Variants in CDH13 observed in about 807,000 individuals in gnomAD.
CDH13 encodes cadherin 13.
A neutral mutation model predicts 63.8 loss-of-function variants in CDH13; 24 were observed. The ratio of observed to expected loss-of-function variants is 0.38; its 90% CI spans 0.27 to 0.53. CDH13 has a LOEUF of 0.53. CDH13 is among the 20% of genes least tolerant of loss of function. CDH13 has a pLI of 0.85. For missense variants in CDH13, 1,049 were observed against 903.1 expected (o/e 1.16, Z -2.07); for synonymous variants, 503 against 355.3 (o/e 1.42, Z -4.67).
intron 7 of CDH13, among the ~76,000 whole-genome samples, chr16:83,508,059 G>GGAAGGAAA (rs1567722120): frequency 9.3e-5 from 2 of 21,548 alleles, no homozygotes; most frequent in East Asian, 2.6e-3. Context: ...AAGAGAAGAA[G>GGAAGGAAA]GAAGGAAGGA....
At chr16:82,991,690 G>T (rs575513517) in intron 2 of CDH13, among the ~76,000 whole-genome samples, 2 of 152,262 alleles carry the variant, frequency 1.3e-5, no homozygotes, top group South Asian at 4.2e-4. Context: ...CCGCTGATGT[G>T]AACATTGCGT....
intron 2 of CDH13, among the ~76,000 whole-genome samples, chr16:82,868,693 A>C (rs772010657): frequency 2.6e-5 from 4 of 152,216 alleles, no homozygotes; most frequent in Non-Finnish European, 4.4e-5. Context: ...CTTTGGGCTA[A>C]ATTTGCCTCA....
chr16:83,472,324 C>T (rs1240585067), intron 6 of CDH13, among the ~76,000 whole-genome samples: 10 of 152,300 alleles, frequency 6.6e-5, no homozygotes, highest in Middle Eastern at 3.4e-3. Context: ...TTATGTTAGA[C>T]GGTGCCCTGT....
chr16:83,063,859 A>G (rs1567794935), intron 3 of CDH13, among the ~76,000 whole-genome samples: 1 of 152,072 alleles, frequency 6.6e-6, no homozygotes, highest in Non-Finnish European at 1.5e-5. Flanking sequence ...CCCTTCTTAC[A>G]ACTTCAAAGG....
intron 6 of CDH13, among the ~76,000 whole-genome samples, chr16:83,382,472 C>T (rs1431507161): frequency 6.6e-6 from 1 of 152,138 alleles, no homozygotes; most frequent in Non-Finnish European, 1.5e-5. Flanking sequence ...TCACTGCGTA[C>T]ACTCTATCTC....
At chr16:83,480,774 A>G (rs532347817) in intron 6 of CDH13, among the ~76,000 whole-genome samples, 6 of 152,190 alleles carry the variant, frequency 3.9e-5, no homozygotes, top group African/African-American at 1.4e-4. Context: ...CCCCAAACCC[A>G]TTCAAACTAA....
At chr16:83,009,984 A>C (rs889058307) in intron 2 of CDH13, among the ~76,000 whole-genome samples, 1 of 151,898 alleles carries the variant, frequency 6.6e-6, no homozygotes. Flanking sequence ...AAATACAAAA[A>C]ATTAGCTGGG....
intron 7 of CDH13, among the ~76,000 whole-genome samples, chr16:83,574,624 G>T (rs1272571934): frequency 1.3e-5 from 2 of 152,172 alleles, no homozygotes; most frequent in Non-Finnish European, 2.9e-5. Flanking sequence ...TGCATCACAG[G>T]GATGGCATTC....
rs374869061 is a variant in CDH13, at chr16:83,146,852, C to T, written c.483+21351C>T. On this transcript the variant is annotated intron_variant, in intron 4 of 13. Coordinates refer to ENST00000567109, the MANE Select transcript of CDH13 (RefSeq NM_001257.5). ...CCTGTAATTCCAGCAGTTTGGAAGG[C>T]CAAGGCAGACAGATTCCTTGAGGTC... is the stretch of plus-strand genomic sequence containing the variant. 1.9e-4 allele frequency among the ~76,000 whole-genome samples: 29 copies of T among 152,302 alleles called. No individual in the cohort carries two copies. The South Asian group carries it at 4.4e-3, about 23-fold the overall frequency.
At chr16:83,376,889 A>G (rs902147968) in intron 6 of CDH13, among the ~76,000 whole-genome samples, 1 of 152,176 alleles carries the variant, frequency 6.6e-6, no homozygotes, top group Admixed American at 6.5e-5. Flanking sequence ...GTCTCTTGCA[A>G]CGTTCACTCT....
intron 4 of CDH13, among the ~76,000 whole-genome samples, chr16:83,131,927 C>T (rs534450895): frequency 6.6e-5 from 10 of 152,204 alleles, no homozygotes; most frequent in Admixed American, 3.3e-4. Context: ...ACCAGGACTC[C>T]GCTTTGATTG....
At chr16:83,161,784 A>G (rs931315604) in intron 4 of CDH13, among the ~76,000 whole-genome samples, 1 of 152,218 alleles carries the variant, frequency 6.6e-6, no homozygotes, top group African/African-American at 2.4e-5. Context: ...ACATTAATCA[A>G]CAACAAACAA....
intron 6 of CDH13, among the ~76,000 whole-genome samples, chr16:83,354,564 A>G (rs1450059619): frequency 6.6e-6 from 1 of 152,224 alleles, no homozygotes; most frequent in Non-Finnish European, 1.5e-5. Context: ...AAAATAAAAC[A>G]AGGTACATTG....
intron 10 of CDH13, among the ~76,000 whole-genome samples, chr16:83,741,633 G>A (rs919815779): frequency 1.3e-5 from 2 of 151,992 alleles, no homozygotes; most frequent in African/African-American, 2.4e-5. Context: ...GCCATGTCTA[G>A]TGCTCTGCTA....
At chr16:83,198,379 T>C (rs1460002702) in intron 4 of CDH13, among the ~76,000 whole-genome samples, 5 of 151,902 alleles carry the variant, frequency 3.3e-5, no homozygotes, top group Non-Finnish European at 1.5e-5. Flanking sequence ...AGAATAAATA[T>C]GTGGGGACTA....
chr16:83,126,206 C>G (rs1001593590), intron 4 of CDH13, among the ~76,000 whole-genome samples: 1 of 152,176 alleles, frequency 6.6e-6, no homozygotes, highest in South Asian at 2.1e-4. Flanking sequence ...AGGCAATTTA[C>G]TTCTGCGGAA....
chr16:82,791,433 C>G (rs568911750), intron 1 of CDH13, among the ~76,000 whole-genome samples: 1 of 152,130 alleles, frequency 6.6e-6, no homozygotes, highest in Non-Finnish European at 1.5e-5. Context: ...ACAGGGGGAG[C>G]GACAATGATC....
At chr16:83,527,852 T>C (rs959070139) in intron 7 of CDH13, among the ~76,000 whole-genome samples, 3 of 152,234 alleles carry the variant, frequency 2.0e-5, no homozygotes, top group Non-Finnish European at 4.4e-5. Flanking sequence ...CACTGTAAAG[T>C]AGAAAGAAGT....
chr16:83,489,194 A>C (rs905848854), intron 7 of CDH13, among the ~76,000 whole-genome samples: 1 of 152,240 alleles, frequency 6.6e-6, no homozygotes, highest in Admixed American at 6.5e-5. Flanking sequence ...ATAATGTAGT[A>C]AATTATCCCA....
Sources: allele counts gnomAD v4.1 joint callset (sites outside exome capture counted in the v4.1 genomes callset), GRCh38; gene constraint gnomAD v4.1.1; transcripts MANE v1.5; gene names NCBI Gene and HGNC (gene_info 2026-07-23, HGNC 2026-07-21).